SLC12A1: variants seen among roughly 807,000 people sequenced by gnomAD.
SLC12A1 encodes the protein Na-K-2Cl cotransporter.
A neutral mutation model predicts 130.4 loss-of-function variants in SLC12A1; 89 were observed. That is an observed-to-expected ratio of 0.68 (90% confidence interval 0.58 to 0.81). The LOEUF is 0.81. Among genes scored for constraint, SLC12A1 ranks in the 40% least tolerant of loss-of-function variants. SLC12A1 has a pLI of 0.00. For synonymous variants in SLC12A1, 499 were observed against 460.0 expected, an observed-to-expected ratio of 1.08 and a Z score of -1.09; for missense variants, 1,310 against 1,336.4, an observed-to-expected ratio of 0.98 and a Z score of 0.31.
At position 48,302,773 on chromosome 15, in the gene SLC12A1, G is replaced by C; in HGVS notation, c.3188G>C (p.Gly1063Ala). The change falls in exon 27 of 27, where the codon GGA becomes GCA. Residue 1063 changes from glycine to alanine, a missense_variant. Physicochemically the swap from Gly to Ala is moderately conservative, Grantham distance 60. Transcript: ENST00000380993. ...IVLSLPVARK[G>A]SISDLLYMAW... ...AGGAGCCTTCCCGTGGCAAGAAAGG[G>C]ATCCATATCGGATTTGTTGTATATG... 1 of 1,610,598 alleles carries C rather than the reference G, an allele frequency of 6.2e-7. No homozygotes were observed. Among genetic ancestry groups the C allele is most frequent in the Non-Finnish European group, 8.5e-7 (1 of 1,178,396 alleles).
intron 9 of SLC12A1, chr15:48,237,122 G>A: frequency 3.0e-6 from 2 of 667,162 alleles, no homozygotes; most frequent in Non-Finnish European, 5.4e-6. Flanking sequence ...GAAATTGCCT[G>A]TCCCCTCAAA....
intron 24 of SLC12A1, among the ~76,000 whole-genome samples, chr15:48,296,872 A>G (rs1447553517): frequency 2.6e-5 from 4 of 152,338 alleles, no homozygotes; most frequent in African/African-American, 9.6e-5. Context: ...AGGATAGACC[A>G]ATCAAAGATG....
intron 8 of SLC12A1, 37 bp from the exon 9 acceptor site, chr15:48,234,840 T>C (rs1443050212): frequency 1.9e-6 from 3 of 1,607,100 alleles, no homozygotes; most frequent in East Asian, 2.2e-5. Flanking sequence ...CTGTGAAAAA[T>C]GTCTACATCA....
intron 2 of SLC12A1, among the ~76,000 whole-genome samples, chr15:48,217,372 A>G (rs1388014660): frequency 6.6e-6 from 1 of 152,188 alleles, no homozygotes; most frequent in Non-Finnish European, 1.5e-5. Context: ...GCTGGTATAG[A>G]TGACCAGTTT....
At chr15:48,221,837 T>C (rs2041220755) in intron 4 of SLC12A1, among the ~76,000 whole-genome samples, 1 of 152,202 alleles carries the variant, frequency 6.6e-6, no homozygotes, top group Non-Finnish European at 1.5e-5. Flanking sequence ...CTCAGGAATA[T>C]GGAAGTTCTA....
At chr15:48,212,156 T>C (rs1226699321) in intron 2 of SLC12A1, among the ~76,000 whole-genome samples, 1 of 152,170 alleles carries the variant, frequency 6.6e-6, no homozygotes, top group African/African-American at 2.4e-5. Context: ...GTAATTTTTA[T>C]ACTAGCTTTT....
chr15:48,219,549 C>G (rs1180984557), intron 2 of SLC12A1, among the ~76,000 whole-genome samples: 3 of 146,952 alleles, frequency 2.0e-5, no homozygotes, highest in Non-Finnish European at 4.5e-5. Context: ...GAGCAAGACT[C>G]TGTCAAAGAG....
In SLC12A1 at chr15:48,291,824, C is replaced by G. The variant is rs2141119440; in HGVS notation, c.2920C>G (p.His974Asp). The G allele has an allele frequency of 3.2e-6, 5 of 1,572,122 alleles. No homozygotes were observed. The highest frequency in any genetic ancestry group is 2.6e-6 in the Non-Finnish European group (3 of 1,157,180). ...ATTTAGGATAAAATTTGCAGACATC[C>G]ATATCATCGGTGACATCAACATTAG... Reference protein sequence around the residue: ...SKFRIKFADIHIIGDINIRPN... With the variant: ...SKFRIKFADIDIIGDINIRPN... The change falls in exon 24 of 27, where the codon CAT becomes GAT. Residue 974 changes from histidine to aspartate, a missense_variant. His to Asp is a moderately conservative substitution (Grantham distance 81). Coordinates refer to ENST00000380993, the MANE Select transcript of SLC12A1 (RefSeq NM_000338.3).
At chr15:48,260,382 A>C (rs532634591) in intron 17 of SLC12A1, among the ~76,000 whole-genome samples, 5 of 142,888 alleles carry the variant, frequency 3.5e-5, no homozygotes, top group African/African-American at 5.4e-5. Context: ...ACACACACAC[A>C]CCACTGAAAA....
intron 11 of SLC12A1, 102 bp from the exon 12 acceptor site, chr15:48,246,807 G>A: frequency 1.2e-6 from 1 of 836,572 alleles, no homozygotes; most frequent in South Asian, 1.3e-5. Flanking sequence ...GAAAAGGAAT[G>A]TGAGAATGAA....
rs1281508202 is a variant in SLC12A1 at position 48,285,202 on chromosome 15, T to A, written c.2582T>A (p.Phe861Tyr). 6.2e-7 allele frequency: 1 copy of A among 1,613,814 alleles called. No homozygotes were observed. The highest frequency in any genetic ancestry group is 8.5e-7 in the Non-Finnish European group (1 of 1,179,824). ...EEESGGIRGL[F>Y]KKAGKLNITK... ...GAAAGTGGAGGCATCCGAGGCTTGT[T>A]TAAAAAAGCTGGCAAGTTGAACATT... is the stretch of plus-strand genomic sequence containing the variant. The change falls in exon 21 of 27, where the codon TTT (phenylalanine) becomes TAT (tyrosine). Residue 861 changes from phenylalanine (F) to tyrosine (Y), a missense_variant. Physicochemically the swap from Phe to Tyr is conservative, Grantham distance 22. Coordinates refer to ENST00000380993, the MANE Select transcript of SLC12A1 (RefSeq NM_000338.3).
chr15:48,228,587 TTA>T (rs139300588), intron 5 of SLC12A1: 539 of 216,038 alleles, frequency 2.5e-3, no homozygotes, highest in South Asian at 5.8e-3. Flanking sequence ...ATATATATGT[TTA>T]TATATATATA....
At chr15:48,244,946 AT>A in intron 11 of SLC12A1, 42 bp downstream of exon 11, 2 of 1,577,386 alleles carry the variant, frequency 1.3e-6, no homozygotes, top group East Asian at 2.2e-5. Flanking sequence ...TATTATTTTC[AT>A]TTTTTGAATG....
At position 48,244,655 on chromosome 15, in the gene SLC12A1, T is replaced by C. The variant is rs1453909239; in HGVS notation, c.1301-98T>C. 6.7e-6 allele frequency: 8 copies of C among 1,195,832 alleles called. No homozygotes were observed. The East Asian group carries it at 7.5e-5, about 11-fold the overall frequency. 74.1% of individuals were successfully genotyped at this position (1,195,832 alleles called of 1,614,324 possible). On this transcript the variant is annotated intron_variant, in intron 10 of 26. Transcript: ENST00000380993. ...CTCACAGTGAACAGAGGCTAAGAAA[T>C]GGACCTTTTCAGTCTCAAAGTAAAC... is the stretch of plus-strand genomic sequence containing the variant.
chr15:48,228,793 C>G (rs751952908), intron 5 of SLC12A1: 1 of 159,246 alleles, frequency 6.3e-6, no homozygotes, highest in Non-Finnish European at 1.4e-5. Context: ...TAAACTTCAA[C>G]TACTTCATTT....
intron 15 of SLC12A1, among the ~76,000 whole-genome samples, chr15:48,252,946 A>G (rs918673063): frequency 1.2e-4 from 18 of 152,208 alleles, no homozygotes; most frequent in African/African-American, 4.3e-4. Flanking sequence ...CATGCCAAAG[A>G]TTCTGATGTT....
At chr15:48,266,058 C>T (rs533226713) in intron 17 of SLC12A1, among the ~76,000 whole-genome samples, 56 of 152,258 alleles carry the variant, frequency 3.7e-4, no homozygotes, top group African/African-American at 1.1e-3. Flanking sequence ...CAATGTGAAC[C>T]AGCCACATTT....
At chr15:48,254,574 A>G (rs1445447453) in intron 15 of SLC12A1, among the ~76,000 whole-genome samples, 1 of 138,016 alleles carries the variant, frequency 7.2e-6, no homozygotes, top group Non-Finnish European at 1.5e-5. Flanking sequence ...TGGAAGATCC[A>G]TTTAATACTT....
At chr15:48,210,733 C>A (rs1375237182) in intron 2 of SLC12A1, among the ~76,000 whole-genome samples, 1 of 150,246 alleles carries the variant, frequency 6.7e-6, no homozygotes, top group Non-Finnish European at 1.5e-5. Context: ...GGCATGGTGG[C>A]ACATGCTTGT....
Sources: allele counts gnomAD v4.1 joint callset (sites outside exome capture counted in the v4.1 genomes callset), GRCh38; gene constraint gnomAD v4.1.1; transcripts MANE v1.5; gene names NCBI Gene and HGNC (gene_info 2026-07-23, HGNC 2026-07-21).